Variants in ZC3H12B observed in about 807,000 individuals in gnomAD.
The protein encoded by ZC3H12B is zinc finger CCCH-type containing 12B, also known as probable ribonuclease ZC3H12B.
A neutral mutation model predicts 43.9 loss-of-function variants in ZC3H12B; 7 were observed. The ratio of observed to expected loss-of-function variants is 0.16; its 90% CI spans 0.09 to 0.30. The LOEUF (loss-of-function observed/expected upper bound fraction) is 0.30. Among genes scored for constraint, ZC3H12B ranks in the 10% least tolerant of loss-of-function variants. The probability of loss-of-function intolerance (pLI) is 1.00; values close to 1 mark genes in which losing one functional copy is unlikely to be tolerated. For missense variants in ZC3H12B, 475 were observed against 670.2 expected (o/e 0.71, Z 3.22); for synonymous variants, 222 against 241.7 (o/e 0.92, Z 0.76).
the ZC3H12B span, among the ~76,000 whole-genome samples, chrX:65,037,077 T>C: frequency 9.1e-6 from 1 of 109,421 alleles, no homozygotes; most frequent in Admixed American, 9.8e-5. Flanking sequence ...TTGTGGAGAA[T>C]AGAACAGAAA....
chrX:65,212,303 TA>T, the ZC3H12B span, among the ~76,000 whole-genome samples: 1 of 47,709 alleles, frequency 2.1e-5, no homozygotes, highest in Non-Finnish European at 3.2e-5. Flanking sequence ...TTATATAATA[TA>T]TAATATAATT....
the ZC3H12B span, among the ~76,000 whole-genome samples, chrX:65,157,868 C>A: frequency 5.8e-5 from 6 of 103,820 alleles, no homozygotes; most frequent in Non-Finnish European, 1.2e-4. Context: ...GTGTGCTGCA[C>A]CCATTAACTC....
the ZC3H12B span, among the ~76,000 whole-genome samples, chrX:65,069,475 T>C: frequency 9.1e-6 from 1 of 110,071 alleles, no homozygotes; most frequent in East Asian, 2.8e-4. Flanking sequence ...CTCCAGAATT[T>C]CCATTTGATT....
chrX:65,446,529 G>C (rs938265690), intron 3 of ZC3H12B, among the ~76,000 whole-genome samples: 4 of 111,897 alleles, frequency 3.6e-5, no homozygotes, highest in Admixed American at 1.9e-4. Flanking sequence ...TCCAATGGTT[G>C]GGTGGGATAG....
chrX:65,409,556 CCACA>C (rs149933064), intron 3 of ZC3H12B, among the ~76,000 whole-genome samples: 6,306 of 87,356 alleles, frequency 0.072, 418 homozygotes, highest in African/African-American at 0.2. Context: ...CCTAAAGACT[CCACA>C]CACACACACA....
upstream of ZC3H12B, among the ~76,000 whole-genome samples, chrX:65,363,228 C>A (rs1229627544): frequency 1.8e-5 from 2 of 111,292 alleles, no homozygotes; most frequent in Non-Finnish European, 3.8e-5. Flanking sequence ...AAGACACCCT[C>A]CTGCTCCTTC....
At chrX:65,358,986 G>A in the ZC3H12B span, among the ~76,000 whole-genome samples, 1 of 111,667 alleles carries the variant, frequency 9.0e-6, no homozygotes, top group East Asian at 2.8e-4. Flanking sequence ...TTAATTTGAA[G>A]CCAGTGCTCA....
the ZC3H12B span, among the ~76,000 whole-genome samples, chrX:65,058,761 A>G: frequency 2.7e-5 from 3 of 111,753 alleles, no homozygotes; most frequent in Non-Finnish European, 5.7e-5. Flanking sequence ...TTACCTACTC[A>G]AGCCTCAGCA....
chrX:65,290,954 T>C, the ZC3H12B span, among the ~76,000 whole-genome samples: 9,476 of 111,208 alleles, frequency 0.085, 1,065 homozygotes, highest in African/African-American at 0.3. Context: ...CAGAGTAAGA[T>C]GACTATAAAA....
At chrX:65,478,031 T>A (rs932199367) in intron 3 of ZC3H12B, among the ~76,000 whole-genome samples, 4 of 111,429 alleles carry the variant, frequency 3.6e-5, no homozygotes, top group African/African-American at 1.3e-4. Context: ...TTTATTTCAG[T>A]TATTGTCCTT....
At chrX:65,491,714 AAT>A (rs758006424) in intron 1 of ZC3H12B, among the ~76,000 whole-genome samples, 6,857 of 96,969 alleles carry the variant, frequency 0.071, 721 homozygotes, top group African/African-American at 0.25. Context: ...TTAAAAAAAA[AAT>A]ATATATATAT....
At chrX:65,045,866 G>A in the ZC3H12B span, among the ~76,000 whole-genome samples, 1 of 112,013 alleles carries the variant, frequency 8.9e-6, no homozygotes, top group African/African-American at 3.2e-5. Context: ...CAGAAGGGAT[G>A]TTATGTTATC....
the ZC3H12B span, among the ~76,000 whole-genome samples, chrX:65,055,255 G>T: frequency 1.8e-5 from 2 of 111,413 alleles, no homozygotes; most frequent in Non-Finnish European, 3.8e-5. Flanking sequence ...TTTGAGATAT[G>T]TCCCATCAAT....
chrX:65,137,943 C>T, the ZC3H12B span, among the ~76,000 whole-genome samples: 4 of 112,150 alleles, frequency 3.6e-5, no homozygotes, highest in Non-Finnish European at 7.5e-5. Context: ...ATTGTCCTGC[C>T]TCAGTCCCCC....
intron 3 of ZC3H12B, among the ~76,000 whole-genome samples, chrX:65,426,655 T>A (rs1404916411): frequency 4.6e-4 from 51 of 111,674 alleles, no homozygotes. Context: ...TCCCAGAGAT[T>A]CTGGTATGTT....
At chrX:65,396,580 CTT>C (rs371460867) in intron 2 of ZC3H12B, among the ~76,000 whole-genome samples, 2 of 100,045 alleles carry the variant, frequency 2.0e-5, no homozygotes, top group African/African-American at 7.2e-5. Flanking sequence ...TTGTTTTTGT[CTT>C]TTTTTTTTTC....
intron 3 of ZC3H12B, among the ~76,000 whole-genome samples, chrX:65,424,662 T>C (rs1037494173): frequency 8.9e-6 from 1 of 112,044 alleles, no homozygotes; most frequent in Admixed American, 9.5e-5. Context: ...AAGGAGAGGG[T>C]CCTGTTTCAA....
At chrX:65,384,285 C>G (rs987648439) in intron 2 of ZC3H12B, among the ~76,000 whole-genome samples, 1 of 107,264 alleles carries the variant, frequency 9.3e-6, no homozygotes, top group Non-Finnish European at 1.9e-5. Flanking sequence ...AACCAAACAC[C>G]GCATATTCTC....
the ZC3H12B span, among the ~76,000 whole-genome samples, chrX:65,317,801 CAT>C: frequency 1.5e-4 from 15 of 102,409 alleles, no homozygotes; most frequent in African/African-American, 4.9e-4. Flanking sequence ...TACACACACA[CAT>C]ATACACACAC....
Sources: gnomAD v4.1 joint callset for allele counts (sites outside exome capture counted in the v4.1 genomes callset) on GRCh38, gnomAD v4.1.1 for gene constraint, MANE v1.5 for transcripts, NCBI Gene and HGNC (gene_info 2026-07-23, HGNC 2026-07-21) for gene names.